The following LZTS1 variants were observed in gnomAD, a reference collection of about 807,000 sequenced individuals.
LZTS1 encodes the protein leucine zipper tumor suppressor 1.
A neutral mutation model predicts 45.8 loss-of-function variants in LZTS1; 31 were observed. That is an observed-to-expected ratio of 0.68 (90% CI 0.51 to 0.91). The LOEUF (loss-of-function observed/expected upper bound fraction) is 0.91. Among genes scored for constraint, LZTS1 ranks in the 40% least tolerant of loss-of-function variants. The probability of loss-of-function intolerance (pLI) is 0.00; values close to 1 mark genes in which losing one functional copy is unlikely to be tolerated. For missense variants in LZTS1, 821 were observed against 788.9 expected, an observed-to-expected ratio of 1.04 and a Z score of -0.49; for synonymous variants, 359 against 357.3, an observed-to-expected ratio of 1.00 and a Z score of -0.05.
At position 20,247,063 on chromosome 8, in the gene LZTS1, T is replaced by A. The variant is rs1799752286; in HGVS notation, c.*2659A>T. The stretch of plus-strand genomic sequence containing the variant: ...GCAAGGTCGCAGGATACTTGCATTC[T>A]AGTGCCACGGTGGGCCACTCTGGGG... On this transcript the variant is annotated 3_prime_UTR_variant, in exon 4 of 4. Transcript: ENST00000381569. 6.6e-6 allele frequency: 1 copy of A among 152,474 alleles called. No individual in the cohort carries two copies. Among genetic ancestry groups the A allele is most frequent in the African/African-American group, 2.4e-5 (1 of 41,472 alleles). The allele number at this position is 152,474 out of a possible 1,614,324, so 9.4% of individuals were successfully genotyped here.
intron 1 of LZTS1, among the ~76,000 whole-genome samples, chr8:20,288,987 G>GTTTTTTTT (rs59572169): frequency 1.7e-5 from 2 of 119,690 alleles, no homozygotes. Flanking sequence ...ATAGCAGCTG[G>GTTTTTTTT]TTTTTTTTTT....
chr8:20,276,804 T>C (rs963363686), intron 1 of LZTS1, among the ~76,000 whole-genome samples: 3 of 152,192 alleles, frequency 2.0e-5, no homozygotes, highest in Non-Finnish European at 4.4e-5. Context: ...AGCTGATTGT[T>C]TTCTTGTTGG....
intron 1 of LZTS1, among the ~76,000 whole-genome samples, chr8:20,299,070 G>T (rs1801027277): frequency 6.6e-6 from 1 of 152,198 alleles, no homozygotes; most frequent in South Asian, 2.1e-4. Flanking sequence ...GCTGGCTGGA[G>T]GCAGTGGTGA....
At position 20,248,993 on chromosome 8, in the gene LZTS1, C is replaced by T. The variant is rs1457273443; in HGVS notation, c.*729G>A. On this transcript the variant is annotated 3_prime_UTR_variant, in exon 4 of 4. Transcript: ENST00000381569. Reference sequence around the variant, plus strand: ...CCGAGGTCAAAGGTCACTGGCTGTCCAGAGGCTGCTCAGCTCCCATTTGCA... The same window carrying T: ...CCGAGGTCAAAGGTCACTGGCTGTCTAGAGGCTGCTCAGCTCCCATTTGCA... 2 of 153,036 alleles carry T rather than the reference C, an allele frequency of 1.3e-5. No homozygotes were observed. The highest frequency in any genetic ancestry group is 2.9e-5 in the Non-Finnish European group (2 of 68,418). 9.5% of individuals were successfully genotyped at this position (153,036 alleles called of 1,614,324 possible). A position where few individuals can be genotyped will look rare whatever the true frequency, so the allele number is the denominator to read the frequency against.
intron 1 of LZTS1, among the ~76,000 whole-genome samples, chr8:20,292,644 G>A (rs1295299915): frequency 6.6e-6 from 1 of 152,138 alleles, no homozygotes; most frequent in Admixed American, 6.5e-5. Flanking sequence ...CCTTTGATTG[G>A]GGTAGGGAGG....
chr8:20,281,686 G>A (rs2128897443), intron 1 of LZTS1, among the ~76,000 whole-genome samples: 1 of 151,698 alleles, frequency 6.6e-6, no homozygotes, highest in East Asian at 1.9e-4. Flanking sequence ...TCTCTCTCTT[G>A]TTCCCTCTAT....
intron 1 of LZTS1, among the ~76,000 whole-genome samples, chr8:20,277,232 C>T (rs1283940010): frequency 1.3e-5 from 2 of 152,200 alleles, no homozygotes; most frequent in Admixed American, 6.5e-5. Context: ...AAGATATTCC[C>T]AGCAGTGCCT....
intron 1 of LZTS1, chr8:20,290,296 G>A (rs1233998385): frequency 1.3e-5 from 2 of 152,134 alleles, no homozygotes; most frequent in Non-Finnish European, 2.9e-5. Flanking sequence ...GACGATGCAG[G>A]TTTTAACATC....
At position 20,255,092 on chromosome 8, in the gene LZTS1, G is replaced by A; in HGVS notation, c.90C>T (p.His30=). 6.2e-7 allele frequency: 1 copy of A among 1,614,240 alleles called. No individual in the cohort carries two copies. Among genetic ancestry groups the A allele is most frequent in the South Asian group, 1.1e-5 (1 of 91,084 alleles). The change falls in exon 2 of 4, where the codon CAC becomes CAT. Residue 30 remains histidine (H), a synonymous_variant. Coordinates refer to ENST00000381569, the MANE Select transcript of LZTS1 (RefSeq NM_021020.5). Reference sequence around the variant, plus strand: ...CGGAATACCGGTTGAGCTTCTTGAGGTGGGAGGACTTGCGCAGCTTGTACT... The same window carrying A: ...CGGAATACCGGTTGAGCTTCTTGAGATGGGAGGACTTGCGCAGCTTGTACT... The part of the protein sequence containing the change: ...ASQYKLRKSS[H]LKKLNRYSDG...
intron 1 of LZTS1, among the ~76,000 whole-genome samples, chr8:20,261,679 A>G (rs1159956959): frequency 6.6e-6 from 1 of 152,196 alleles, no homozygotes; most frequent in Non-Finnish European, 1.5e-5. Flanking sequence ...GGATGCAGAG[A>G]GATGTGAACT....
intron 1 of LZTS1, among the ~76,000 whole-genome samples, chr8:20,275,318 C>T (rs969711517): frequency 6.8e-6 from 1 of 147,010 alleles, no homozygotes; most frequent in African/African-American, 2.5e-5. Flanking sequence ...AGGAGAATCA[C>T]TTGAACCCGG....
At chr8:20,277,443 G>C (rs1250763589) in intron 1 of LZTS1, among the ~76,000 whole-genome samples, 4 of 152,174 alleles carry the variant, frequency 2.6e-5, no homozygotes, top group Admixed American at 1.3e-4. Context: ...CTATGGAGTA[G>C]CCATTCTTTT....
chr8:20,260,600 G>A (rs1800207507), intron 1 of LZTS1, among the ~76,000 whole-genome samples: 1 of 152,222 alleles, frequency 6.6e-6, no homozygotes, highest in African/African-American at 2.4e-5. Context: ...GGAAGAGGAA[G>A]CCTAGAGGAG....
At chr8:20,294,603 G>C (rs878934443) in intron 1 of LZTS1, among the ~76,000 whole-genome samples, 1 of 152,296 alleles carries the variant, frequency 6.6e-6, no homozygotes, top group Admixed American at 6.5e-5. Context: ...TAGGCAAGGA[G>C]GGGGAGGCTG....
intron 1 of LZTS1, among the ~76,000 whole-genome samples, chr8:20,272,621 A>C (rs1039484213): frequency 1.3e-5 from 2 of 151,942 alleles, no homozygotes; most frequent in African/African-American, 4.8e-5. Flanking sequence ...CCCTGTACCC[A>C]CCTCTGCTGC....
Position 20,249,773 on chromosome 8 carries a change from G to A in LZTS1, c.1740C>T (p.Asp580=). Residue 580 remains aspartate (D), a synonymous_variant, in exon 4 of 4, where the codon GAC becomes GAT. Coordinates refer to ENST00000381569, the MANE Select transcript of LZTS1 (RefSeq NM_021020.5). ...GDSAGEPLEV[D]LEGADIPYED... ...CGTAGGGGATGTCAGCCCCTTCCAG[G>A]TCAACCTCCAAGGGCTCCCCGGCGC... is the stretch of plus-strand genomic sequence containing the variant. 1 of 1,613,224 alleles carries A rather than the reference G, an allele frequency of 6.2e-7. No homozygotes were observed. The highest frequency in any genetic ancestry group is 8.5e-7 in the Non-Finnish European group (1 of 1,179,952).
In LZTS1 at chr8:20,249,528, G is replaced by A; in HGVS notation, c.*194C>T. ...GGAGTCAGGGCCTGACGTCTGGTGG[G>A]CTGCAGGGCTGGTGAGCACTGGGAC... On this transcript the variant is annotated 3_prime_UTR_variant, in exon 4 of 4. Coordinates refer to ENST00000381569, the MANE Select transcript of LZTS1 (RefSeq NM_021020.5). 1 of 655,422 alleles carries A rather than the reference G, an allele frequency of 1.5e-6. No homozygotes were observed. The highest frequency in any genetic ancestry group is 2.6e-6 in the Non-Finnish European group (1 of 391,366). The allele number at this position is 655,422 out of a possible 1,614,324, so 40.6% of individuals were successfully genotyped here. A position where few individuals can be genotyped will look rare whatever the true frequency, so the allele number is the denominator to read the frequency against.
At chr8:20,255,979 G>A (rs1800088259) in intron 1 of LZTS1, among the ~76,000 whole-genome samples, 1 of 150,792 alleles carries the variant, frequency 6.6e-6, no homozygotes, top group Non-Finnish European at 1.5e-5. Flanking sequence ...GGAGGGTGAG[G>A]TGGGAGAATC....
intron 3 of LZTS1, 124 bp downstream of exon 3, chr8:20,252,658 G>A (rs1799958855): frequency 2.6e-6 from 2 of 759,948 alleles, no homozygotes; most frequent in East Asian, 5.9e-5. Context: ...GATAAAGCCA[G>A]CACATTAGCC....
Sources: gnomAD v4.1 joint callset for allele counts (sites outside exome capture counted in the v4.1 genomes callset) on GRCh38, gnomAD v4.1.1 for gene constraint, MANE v1.5 for transcripts, NCBI Gene and HGNC (gene_info 2026-07-23, HGNC 2026-07-21) for gene names.